Variants in FILIP1L observed in about 807,000 individuals in gnomAD.
FILIP1L encodes the protein filamin A-interacting protein 1-like.
In FILIP1L, 55 loss-of-function variants were observed where a neutral mutation model predicts 96.6. The observed-to-expected ratio is 0.57, with a 90% confidence interval of 0.46 to 0.71. FILIP1L has a LOEUF of 0.71. Ranked by LOEUF, FILIP1L falls within the 30% of genes least tolerant of loss-of-function variation. The probability of loss-of-function intolerance (pLI) is 0.00; values close to 1 mark genes in which losing one functional copy is unlikely to be tolerated. For missense variants in FILIP1L, 1,304 were observed against 1,321.2 expected (o/e 0.99, Z 0.20); for synonymous variants, 467 against 473.9 (o/e 0.99, Z 0.19).
At chr3:99,834,940 A>T (rs1338802534) in intron 5 of FILIP1L, among the ~76,000 whole-genome samples, 1 of 152,152 alleles carries the variant, frequency 6.6e-6, no homozygotes, top group Non-Finnish European at 1.5e-5. Context: ...GAGTAGAGAT[A>T]TTGTGTAATA....
intron 1 of FILIP1L, among the ~76,000 whole-genome samples, chr3:100,089,551 A>G (rs769961512): frequency 6.6e-6 from 1 of 152,222 alleles, no homozygotes; most frequent in Non-Finnish European, 1.5e-5. Flanking sequence ...CAAAAAGGAT[A>G]GGAAGCAGAA....
chr3:99,984,690 G>C (rs79757922), intron 1 of FILIP1L, among the ~76,000 whole-genome samples: 2,752 of 152,254 alleles, frequency 0.018, 33 homozygotes, highest in Non-Finnish European at 0.029. Context: ...TGGCTACTGT[G>C]GGGGAGGGAA....
chr3:99,909,212 T>C (rs1458318770), intron 4 of FILIP1L, among the ~76,000 whole-genome samples: 1 of 152,210 alleles, frequency 6.6e-6, no homozygotes, highest in East Asian at 1.9e-4. Flanking sequence ...AGTTCTGGCC[T>C]CTTCTCATAA....
At chr3:100,051,949 T>C (rs899295077) in intron 1 of FILIP1L, among the ~76,000 whole-genome samples, 1 of 149,284 alleles carries the variant, frequency 6.7e-6, no homozygotes, top group Admixed American at 6.7e-5. Context: ...AAGTATATTA[T>C]ATAAAATATT....
In FILIP1L at chr3:99,986,155, A is replaced by G. The variant is rs370163402; in HGVS notation, c.-10-55125T>C. On this transcript the variant is annotated intron_variant, in intron 1 of 5. Coordinates refer to ENST00000477258, the MANE Select transcript of FILIP1L (RefSeq NM_001387850.1). Reference sequence around the variant, plus strand: ...GAAAATCTAAATTGTTTTTATTTTAATAAGAACCAGATATCTCAAATATGT... The same window carrying G: ...GAAAATCTAAATTGTTTTTATTTTAGTAAGAACCAGATATCTCAAATATGT... Among the ~76,000 whole-genome samples the G allele has an allele frequency of 5.9e-5, 9 of 152,358 alleles. No homozygotes were observed. In the East Asian group the frequency reaches 7.7e-4, roughly 13 times the overall value.
At chr3:99,991,300 GCAC>G (rs1049870263) in intron 1 of FILIP1L, among the ~76,000 whole-genome samples, 1 of 152,128 alleles carries the variant, frequency 6.6e-6, no homozygotes, top group Non-Finnish European at 1.5e-5. Context: ...ACCTGCAGGG[GCAC>G]ACACCCTTCC....
chr3:99,970,507 ACTT>A (rs777840141), intron 1 of FILIP1L, among the ~76,000 whole-genome samples: 4 of 152,244 alleles, frequency 2.6e-5, no homozygotes, highest in East Asian at 1.9e-4. Flanking sequence ...CTCCCAAACT[ACTT>A]CTACCTAATT....
At chr3:99,896,379 A>G (rs1706252646) in intron 4 of FILIP1L, among the ~76,000 whole-genome samples, 1 of 152,068 alleles carries the variant, frequency 6.6e-6, no homozygotes, top group African/African-American at 2.4e-5. Context: ...GTTTCATTTT[A>G]AACAGTCTGC....
At chr3:99,999,567 G>A (rs1387726129) in intron 1 of FILIP1L, among the ~76,000 whole-genome samples, 1 of 152,302 alleles carries the variant, frequency 6.6e-6, no homozygotes, top group Non-Finnish European at 1.5e-5. Flanking sequence ...CTTGCCTTGG[G>A]AACTTCTCCT....
chr3:99,894,008 A>G (rs116649986), intron 4 of FILIP1L, among the ~76,000 whole-genome samples: 1,923 of 152,306 alleles, frequency 0.013, 17 homozygotes, highest in Middle Eastern at 0.037. Context: ...AGTGAGATAC[A>G]TTTTGGAGGA....
intron 4 of FILIP1L, among the ~76,000 whole-genome samples, chr3:99,887,717 T>C (rs1052702771): frequency 6.6e-6 from 1 of 152,224 alleles, no homozygotes; most frequent in South Asian, 2.1e-4. Flanking sequence ...TACCCAGATA[T>C]ACATATAATA....
In FILIP1L at chr3:100,025,724, AT is replaced by A. The variant is rs541519609; in HGVS notation, c.-11+88328del. ...CCAGGCACTTTATTCTAAGCCAGTGATTTTCATGTAAGTGAAGCTAAATAAT... is the reference window on the plus strand; with the variant it reads ...CCAGGCACTTTATTCTAAGCCAGTGATTTCATGTAAGTGAAGCTAAATAAT... On this transcript the variant is annotated intron_variant, in intron 1 of 5. Coordinates refer to ENST00000477258, the MANE Select transcript of FILIP1L (RefSeq NM_001387850.1). Among the ~76,000 whole-genome samples the A allele has an allele frequency of 2.4e-3, 364 of 152,220 alleles. 1 individual carries two copies. Among genetic ancestry groups the A allele is most frequent in the African/African-American group, 8.3e-3 (343 of 41,542 alleles).
At chr3:100,095,419 A>T (rs913984970) in intron 1 of FILIP1L, among the ~76,000 whole-genome samples, 3 of 152,328 alleles carry the variant, frequency 2.0e-5, no homozygotes, top group Admixed American at 2.0e-4. Flanking sequence ...AATATTTTTT[A>T]AAAACTATTT....
At chr3:99,843,399 T>C (rs1470476287) in intron 5 of FILIP1L, among the ~76,000 whole-genome samples, 1 of 152,146 alleles carries the variant, frequency 6.6e-6, no homozygotes, top group Non-Finnish European at 1.5e-5. Flanking sequence ...AAAGAAAACT[T>C]GGAGAATAAA....
intron 1 of FILIP1L, among the ~76,000 whole-genome samples, chr3:100,078,594 G>GA (rs199798690): frequency 1.2e-4 from 18 of 149,608 alleles, no homozygotes; most frequent in African/African-American, 2.4e-4. Flanking sequence ...ATGAGGTAAA[G>GA]AAAAAAAAAA....
chr3:100,012,784 T>A (rs7609729), intron 1 of FILIP1L, among the ~76,000 whole-genome samples: 1 of 124,588 alleles, frequency 8.0e-6, no homozygotes, highest in Non-Finnish European at 1.8e-5. Context: ...TTTTTTGGGT[T>A]GGGGGAGGGA....
At chr3:99,919,605 A>G (rs1323831614) in intron 4 of FILIP1L, among the ~76,000 whole-genome samples, 1 of 151,842 alleles carries the variant, frequency 6.6e-6, no homozygotes, top group Non-Finnish European at 1.5e-5. Context: ...TAGAAAGAAA[A>G]TTTGATGTTT....
chr3:100,102,329 G>T (rs1401795620), intron 1 of FILIP1L, among the ~76,000 whole-genome samples: 14 of 152,026 alleles, frequency 9.2e-5, no homozygotes, highest in Admixed American at 9.2e-4. Flanking sequence ...GGTATGAGAT[G>T]GTATCTCATT....
At chr3:99,941,662 T>C (rs910406664) in intron 1 of FILIP1L, among the ~76,000 whole-genome samples, 2 of 152,216 alleles carry the variant, frequency 1.3e-5, no homozygotes, top group African/African-American at 4.8e-5. Context: ...ATTATATGGA[T>C]CATAGAATAT....
Sources: gnomAD v4.1 joint callset for allele counts (sites outside exome capture counted in the v4.1 genomes callset) on GRCh38, gnomAD v4.1.1 for gene constraint, MANE v1.5 for transcripts, NCBI Gene and HGNC (gene_info 2026-07-23, HGNC 2026-07-21) for gene names.